LRRC37A2: variants seen among roughly 807,000 people sequenced by gnomAD.
LRRC37A2 encodes leucine-rich repeat-containing protein 37A2.
LRRC37A2 carries 9 observed loss-of-function variants against 68.8 expected under a neutral mutation model. The observed-to-expected ratio is 0.13, with a 90% CI of 0.08 to 0.23. LRRC37A2 has a LOEUF of 0.23. LRRC37A2 is among the 10% of genes least tolerant of loss of function. The probability of loss-of-function intolerance (pLI) is 1.00; values close to 1 mark genes in which losing one functional copy is unlikely to be tolerated. For synonymous variants in LRRC37A2, 63 were observed against 367.6 expected, an observed-to-expected ratio of 0.17 and a Z score of 9.48; for missense variants, 168 against 950.4, an observed-to-expected ratio of 0.18 and a Z score of 10.82.
exon 12 of LRRC37A2, chr17:46,553,404 G>A (rs2057013751): frequency 6.2e-7 from 1 of 1,609,236 alleles, no homozygotes; most frequent in South Asian, 1.1e-5. Flanking sequence ...AAACAGATAT[G>A]TTGTCACCGA....
At chr17:46,718,533 A>T in the LRRC37A2 span, among the ~76,000 whole-genome samples, 19 of 152,354 alleles carry the variant, frequency 1.2e-4, no homozygotes, top group African/African-American at 4.1e-4. Flanking sequence ...CTAAAAATTT[A>T]AAATTTATAT....
chr17:46,930,047 A>ATT, the LRRC37A2 span: 9 of 124,084 alleles, frequency 7.3e-5, no homozygotes, highest in South Asian at 5.0e-4. Flanking sequence ...GTTTTTTTTC[A>ATT]TTTTTTTTTT....
the LRRC37A2 span, among the ~76,000 whole-genome samples, chr17:46,753,224 G>A: frequency 6.6e-6 from 1 of 152,218 alleles, no homozygotes; most frequent in African/African-American, 2.4e-5. Flanking sequence ...GTTACTTACT[G>A]ATGGTCCTGC....
chr17:46,918,515 AAAGT>A, the LRRC37A2 span, among the ~76,000 whole-genome samples: 4 of 152,112 alleles, frequency 2.6e-5, no homozygotes, highest in African/African-American at 9.7e-5. Context: ...GGTTGGTGCA[AAAGT>A]AATTATGGTT....
At chr17:46,410,032 C>T in the LRRC37A2 span, among the ~76,000 whole-genome samples, 3 of 103,752 alleles carry the variant, frequency 2.9e-5, no homozygotes, top group Non-Finnish European at 6.3e-5. Context: ...TGTCCCCAGT[C>T]CTAAGTAATG....
At chr17:46,789,971 A>C in the LRRC37A2 span, among the ~76,000 whole-genome samples, 1 of 152,102 alleles carries the variant, frequency 6.6e-6, no homozygotes, top group Non-Finnish European at 1.5e-5. Context: ...CACGGCGCTG[A>C]GGATGGGCAG....
At chr17:46,974,036 G>T in the LRRC37A2 span, among the ~76,000 whole-genome samples, 1 of 152,234 alleles carries the variant, frequency 6.6e-6, no homozygotes, top group African/African-American at 2.4e-5. Context: ...AGACAAGTAA[G>T]TAAGAAAGTA....
chr17:47,015,240 T>A, the LRRC37A2 span, among the ~76,000 whole-genome samples: 2 of 152,146 alleles, frequency 1.3e-5, no homozygotes, highest in African/African-American at 4.8e-5. Context: ...ACTCCTGAGC[T>A]CAAGTGATCC....
the LRRC37A2 span, chr17:46,936,575 G>A: frequency 1.0e-6 from 1 of 985,334 alleles, no homozygotes; most frequent in Admixed American, 6.1e-5. Context: ...AGGAACATAG[G>A]AGAGGGCATG....
the LRRC37A2 span, among the ~76,000 whole-genome samples, chr17:46,697,067 A>G: frequency 7.3e-6 from 1 of 137,058 alleles, no homozygotes; most frequent in Admixed American, 7.5e-5. Context: ...TAGTGCTTTT[A>G]TTTTAGGTAC....
the LRRC37A2 span, among the ~76,000 whole-genome samples, chr17:46,812,394 C>T: frequency 1.3e-5 from 2 of 152,168 alleles, no homozygotes; most frequent in African/African-American, 4.8e-5. Flanking sequence ...AGCTTTCTGC[C>T]TTCCGACTAT....
At chr17:46,851,617 A>G in the LRRC37A2 span, 1 of 1,241,516 alleles carries the variant, frequency 8.1e-7, no homozygotes, top group Non-Finnish European at 1.0e-6. The surrounding 1 kb of genome is among the most constrained non-coding windows in gnomAD (Gnocchi z 4.3). Context: ...GAGATGCTAG[A>G]GGGCGCAGCG....
chr17:46,963,564 G>A, the LRRC37A2 span: 1 of 149,662 alleles, frequency 6.7e-6, no homozygotes, highest in African/African-American at 2.5e-5. Flanking sequence ...AAAAAAATAG[G>A]CAGATGATAT....
At chr17:46,799,975 G>T in the LRRC37A2 span, among the ~76,000 whole-genome samples, 1,400 of 152,302 alleles carry the variant, frequency 9.2e-3, 23 homozygotes, top group African/African-American at 0.032. Context: ...AAGGTTAGAT[G>T]CCCAGAGCCG....
chr17:46,804,877 T>C, the LRRC37A2 span, among the ~76,000 whole-genome samples: 1 of 152,054 alleles, frequency 6.6e-6, no homozygotes, highest in Non-Finnish European at 1.5e-5. Context: ...CAGCAGGACA[T>C]GGGCTGGGAC....
At chr17:46,822,224 G>T in the LRRC37A2 span, among the ~76,000 whole-genome samples, 1 of 152,216 alleles carries the variant, frequency 6.6e-6, no homozygotes, top group South Asian at 2.1e-4. Context: ...AGGAACCGCA[G>T]AGCGGTTTTA....
the LRRC37A2 span, among the ~76,000 whole-genome samples, chr17:46,784,639 C>G: frequency 6.6e-6 from 1 of 152,182 alleles, no homozygotes; most frequent in Non-Finnish European, 1.5e-5. Context: ...GCCCAGCCAA[C>G]ACTGGCAGCA....
At chr17:46,793,013 C>A in the LRRC37A2 span, among the ~76,000 whole-genome samples, 1 of 151,690 alleles carries the variant, frequency 6.6e-6, no homozygotes, top group Non-Finnish European at 1.5e-5. Flanking sequence ...ACCTGTAAAC[C>A]CGGCACTTTG....
chr17:46,704,892 TA>T, the LRRC37A2 span: 1 of 1,566,360 alleles, frequency 6.4e-7, no homozygotes, highest in Non-Finnish European at 8.7e-7. Flanking sequence ...GGCCAAAAAG[TA>T]ATGATAATAA....
Sources: gnomAD v4.1 joint callset for allele counts (sites outside exome capture counted in the v4.1 genomes callset) on GRCh38, gnomAD v4.1.1 for gene constraint, Gnocchi (gnomAD v3.1) non-coding constraint, MANE v1.5 for transcripts, NCBI Gene and HGNC (gene_info 2026-07-23, HGNC 2026-07-21) for gene names.